ADGRL3: variants seen among roughly 807,000 people sequenced by gnomAD.
ADGRL3 encodes the protein adhesion G protein-coupled receptor L3.
A neutral mutation model predicts 153.5 loss-of-function variants in ADGRL3; 62 were observed. The observed-to-expected ratio is 0.40, with a 90% CI of 0.33 to 0.50. ADGRL3 has a LOEUF of 0.50. Ranked by LOEUF, ADGRL3 falls within the 20% of genes least tolerant of loss-of-function variation. The probability of loss-of-function intolerance (pLI) is 0.47; values close to 1 mark genes in which losing one functional copy is unlikely to be tolerated. For synonymous variants in ADGRL3, 710 were observed against 672.5 expected (o/e 1.06, Z -0.86); for missense variants, 1,641 against 1,859.4 (o/e 0.88, Z 2.16).
At chr4:61,635,767 A>G (rs1307567882) in intron 5 of ADGRL3, among the ~76,000 whole-genome samples, 4 of 152,036 alleles carry the variant, frequency 2.6e-5, no homozygotes, top group African/African-American at 9.7e-5. Context: ...CAAGTTGATG[A>G]CAGGGATGTT....
At chr4:61,806,774 T>G (rs2097557419) in intron 8 of ADGRL3, among the ~76,000 whole-genome samples, 1 of 152,102 alleles carries the variant, frequency 6.6e-6, no homozygotes, top group African/African-American at 2.4e-5. Context: ...AAATAAAATG[T>G]CACAGAAAAT....
chr4:61,817,064 A>G (rs2097695868), intron 9 of ADGRL3, among the ~76,000 whole-genome samples: 1 of 149,812 alleles, frequency 6.7e-6, no homozygotes, highest in Admixed American at 6.7e-5. Context: ...CCACCTTGAC[A>G]CTCTCTGAAA....
chr4:61,907,433 A>G (rs1399050467), intron 11 of ADGRL3, among the ~76,000 whole-genome samples: 1 of 151,530 alleles, frequency 6.6e-6, no homozygotes, highest in Non-Finnish European at 1.5e-5. Flanking sequence ...TAATGTTTGT[A>G]TTTTCACTAG....
chr4:61,983,414 A>G lies in ADGRL3; in HGVS notation c.3047A>G (p.His1016Arg). Residue 1016 changes from histidine to arginine, a missense_variant, in exon 19 of 27, where the codon CAT becomes CGT. By Grantham distance (29) the His-to-Arg change is conservative. This residue lies in a region of ADGRL3 where 734 missense variants were observed against 797.0 expected (regional missense o/e 0.92). Coordinates refer to ENST00000683033, the MANE Select transcript of ADGRL3 (RefSeq NM_001387552.1). Reference sequence around the variant, plus strand: ...TGTGCTGTTTTCGCTGCCCTGTTACATTTCTTCTTCTTGGCTGCCTTCACC... The same window carrying G: ...TGTGCTGTTTTCGCTGCCCTGTTACGTTTCTTCTTCTTGGCTGCCTTCACC... ...IACAVFAALL[H>R]FFFLAAFTWM... is the part of the protein sequence containing the mutation. 6.2e-7 allele frequency: 1 copy of G among 1,613,650 alleles called. No homozygotes were observed. Among genetic ancestry groups the G allele is most frequent in the Non-Finnish European group, 8.5e-7 (1 of 1,179,808 alleles).
At chr4:61,698,571 C>G (rs763368980) in intron 6 of ADGRL3, among the ~76,000 whole-genome samples, 2 of 152,170 alleles carry the variant, frequency 1.3e-5, no homozygotes, top group Non-Finnish European at 2.9e-5. Flanking sequence ...AGAGGTTACA[C>G]TCATTCAAAC....
intron 1 of ADGRL3, among the ~76,000 whole-genome samples, chr4:61,296,204 T>C (rs912437637): frequency 1.1e-4 from 16 of 152,172 alleles, no homozygotes; most frequent in Admixed American, 2.6e-4. Flanking sequence ...CTGTTTTTTC[T>C]GTTGCTGTGT....
chr4:61,622,776 C>T (rs2092606594), intron 5 of ADGRL3, among the ~76,000 whole-genome samples: 1 of 151,982 alleles, frequency 6.6e-6, no homozygotes, highest in Non-Finnish European at 1.5e-5. Context: ...TTCTCAAAAT[C>T]ACATAGCTAG....
At chr4:61,760,857 C>T (rs993468776) in intron 8 of ADGRL3, among the ~76,000 whole-genome samples, 3 of 152,184 alleles carry the variant, frequency 2.0e-5, no homozygotes, top group African/African-American at 7.2e-5. Flanking sequence ...GAATAATTCA[C>T]ACAGACCCGG....
chr4:61,416,252 G>A (rs1578732358), intron 2 of ADGRL3, among the ~76,000 whole-genome samples: 1 of 151,876 alleles, frequency 6.6e-6, no homozygotes, highest in Non-Finnish European at 1.5e-5. Context: ...GGAAAAAAAT[G>A]ATGGAAATCA....
intron 5 of ADGRL3, among the ~76,000 whole-genome samples, chr4:61,641,697 T>C (rs1050381594): frequency 2.0e-5 from 3 of 151,868 alleles, no homozygotes; most frequent in Non-Finnish European, 4.4e-5. Flanking sequence ...TGTTGGACAT[T>C]TGGGTTGGTT....
rs1031477042 is a variant in ADGRL3 at position 61,601,739 on chromosome 4, C to G, written c.473+14299C>G. On this transcript the variant is annotated intron_variant, in intron 5 of 26. Transcript: ENST00000683033. ...CTGTCAGCATTCAGCTGTGGCCGTT[C>G]TGCTAAGGAAGACAACATAATTGTT... is the stretch of plus-strand genomic sequence containing the variant. 2.0e-5 allele frequency among the ~76,000 whole-genome samples: 3 copies of G among 152,134 alleles called. No homozygotes were observed. In the East Asian group the frequency reaches 5.8e-4, roughly 29 times the overall value.
chr4:62,053,842 G>A (rs1735566768), intron 25 of ADGRL3, among the ~76,000 whole-genome samples: 1 of 151,402 alleles, frequency 6.6e-6, no homozygotes, highest in Non-Finnish European at 1.5e-5. Flanking sequence ...TATATAATTT[G>A]CACAATATTA....
At chr4:61,656,951 C>T (rs1462060011) in intron 5 of ADGRL3, among the ~76,000 whole-genome samples, 2 of 152,158 alleles carry the variant, frequency 1.3e-5, no homozygotes, top group South Asian at 2.1e-4. Flanking sequence ...TGGCAGTCTC[C>T]CAGTATTCCT....
At chr4:61,505,302 T>C (rs1368937496) in intron 3 of ADGRL3, among the ~76,000 whole-genome samples, 1 of 152,234 alleles carries the variant, frequency 6.6e-6, no homozygotes, top group African/African-American at 2.4e-5. Context: ...AGATTGATTT[T>C]TTTCCTGTTG....
At position 62,072,849 on chromosome 4, in the gene ADGRL3, A is replaced by G. The variant is rs1746107509; in HGVS notation, c.*1941A>G. ...TTTGTACATTGCATTTTGATGTTAG[A>G]AATTCAAATTCCCTCAATTTGCTAA... On this transcript the variant is annotated 3_prime_UTR_variant, in exon 27 of 27. Transcript: ENST00000683033. 1 of 152,156 alleles carries G rather than the reference A, an allele frequency of 6.6e-6. No individual in the cohort carries two copies. The highest frequency in any genetic ancestry group is 6.6e-5 in the Admixed American group (1 of 15,264). 9.4% of individuals were successfully genotyped at this position (152,156 alleles called of 1,614,324 possible). A position where few individuals can be genotyped will look rare whatever the true frequency, so the allele number is the denominator to read the frequency against.
At chr4:61,869,969 AG>A (rs2098431940) in intron 9 of ADGRL3, among the ~76,000 whole-genome samples, 1 of 102,086 alleles carries the variant, frequency 9.8e-6, no homozygotes. Flanking sequence ...AAAGAGAGAG[AG>A]AGAGAAAGAG....
intron 9 of ADGRL3, among the ~76,000 whole-genome samples, chr4:61,891,611 T>G (rs1156486917): frequency 6.6e-6 from 1 of 152,176 alleles, no homozygotes; most frequent in African/African-American, 2.4e-5. Context: ...GATGATGATA[T>G]TTTAAGGGAA....
intron 4 of ADGRL3, among the ~76,000 whole-genome samples, chr4:61,564,284 T>C (rs1049507737): frequency 5.9e-5 from 9 of 152,084 alleles, no homozygotes; most frequent in African/African-American, 1.9e-4. Flanking sequence ...GGTTGGTTTG[T>C]TTGTTTTTGA....
Position 62,004,792 on chromosome 4 carries a change from G to A in ADGRL3, c.3395+6527G>A, listed in dbSNP as rs546642466. On this transcript the variant is annotated intron_variant, in intron 21 of 26. Coordinates refer to ENST00000683033, the MANE Select transcript of ADGRL3 (RefSeq NM_001387552.1). Reference sequence around the variant, plus strand: ...GTGAACACTTTAGTTTTAAGAATTAGCTAGAAAAAATAATACATTTATTTT... The same window carrying A: ...GTGAACACTTTAGTTTTAAGAATTAACTAGAAAAAATAATACATTTATTTT... 2.0e-3 allele frequency among the ~76,000 whole-genome samples: 304 copies of A among 152,090 alleles called. 2 individuals carry two copies. Among genetic ancestry groups the A allele is most frequent in the African/African-American group, 7.0e-3 (291 of 41,538 alleles).
Sources: allele counts gnomAD v4.1 joint callset (sites outside exome capture counted in the v4.1 genomes callset), GRCh38; gene constraint gnomAD v4.1.1; regional missense constraint gnomAD v4.1.1; transcripts MANE v1.5; gene names NCBI Gene and HGNC (gene_info 2026-07-23, HGNC 2026-07-21).